LRGUK: variants seen among roughly 807,000 people sequenced by gnomAD.
LRGUK encodes leucine-rich repeat and guanylate kinase domain-containing protein.
Under a neutral mutation model 76.0 loss-of-function variants are expected in LRGUK, and 65 were observed. That is an observed-to-expected ratio of 0.85 (90% CI 0.70 to 1.05). LRGUK has a LOEUF of 1.05. LRGUK is among the 50% of genes least tolerant of loss of function. The pLI is 0.00. For synonymous variants in LRGUK, 268 were observed against 265.6 expected (o/e 1.01, Z -0.09); for missense variants, 758 against 732.8 (o/e 1.03, Z -0.40).
chr7:134,218,776 T>C (rs1259965603), intron 15 of LRGUK, among the ~76,000 whole-genome samples: 1 of 152,230 alleles, frequency 6.6e-6, no homozygotes, highest in Non-Finnish European at 1.5e-5. Flanking sequence ...TGTTTTAAAA[T>C]GTTTTATACA....
chr7:134,195,293 C>T (rs1336638477), intron 12 of LRGUK, among the ~76,000 whole-genome samples: 3 of 152,124 alleles, frequency 2.0e-5, no homozygotes, highest in Admixed American at 6.6e-5. Flanking sequence ...ATTTTTTAGT[C>T]CTACAAAGGC....
chr7:134,191,883 G>GT (rs1489868906), intron 12 of LRGUK, 132 bp downstream of exon 12: 415 of 560,714 alleles, frequency 7.4e-4, no homozygotes, highest in South Asian at 5.5e-3. Context: ...GTTTTTATGG[G>GT]GTTTTTTTTT....
intron 2 of LRGUK, among the ~76,000 whole-genome samples, chr7:134,139,210 A>G (rs1797660370): frequency 6.6e-6 from 1 of 152,170 alleles, no homozygotes. Flanking sequence ...TGTTTTTGCT[A>G]ACAACACTAA....
intron 16 of LRGUK, among the ~76,000 whole-genome samples, chr7:134,225,125 G>GAAAAA (rs769671717): frequency 1.1e-4 from 7 of 60,878 alleles, no homozygotes; most frequent in African/African-American, 3.1e-4. Context: ...AACAGAACTG[G>GAAAAA]AAAAAAAAAA....
chr7:134,213,963 G>A (rs1801363917), downstream of LRGUK, among the ~76,000 whole-genome samples: 1 of 152,218 alleles, frequency 6.6e-6, no homozygotes, highest in Non-Finnish European at 1.5e-5. Context: ...GTGGCTTATA[G>A]TGACTACATT....
intron 1 of LRGUK, among the ~76,000 whole-genome samples, chr7:134,134,244 G>T (rs1716187948): frequency 6.6e-6 from 1 of 152,070 alleles, no homozygotes; most frequent in African/African-American, 2.4e-5. Context: ...GCAATTGTGG[G>T]ATTAGAGAGA....
chr7:134,181,832 A>G (rs1181773470), intron 10 of LRGUK, among the ~76,000 whole-genome samples: 1 of 152,026 alleles, frequency 6.6e-6, no homozygotes, highest in African/African-American at 2.4e-5. Flanking sequence ...AAATCCACCA[A>G]CCTTATCGGA....
intron 6 of LRGUK, among the ~76,000 whole-genome samples, chr7:134,162,382 A>C (rs1484787677): frequency 6.6e-6 from 1 of 152,204 alleles, no homozygotes; most frequent in Non-Finnish European, 1.5e-5. Flanking sequence ...TCTCTCCAAC[A>C]CAGTAGCTGC....
chr7:134,186,041 G>C (rs761938203), intron 11 of LRGUK, among the ~76,000 whole-genome samples: 1 of 152,314 alleles, frequency 6.6e-6, no homozygotes, highest in South Asian at 2.1e-4. Context: ...GGTATATGCT[G>C]TTTTGCTAAT....
chr7:134,180,268 A>C (rs534373808), intron 10 of LRGUK, among the ~76,000 whole-genome samples: 1 of 148,956 alleles, frequency 6.7e-6, no homozygotes, highest in Admixed American at 6.8e-5. Context: ...CTAAGAATGT[A>C]ACTCTTTTCA....
At chr7:134,271,506 A>G in the LRGUK span, among the ~76,000 whole-genome samples, 2 of 151,436 alleles carry the variant, frequency 1.3e-5, no homozygotes, top group South Asian at 2.1e-4. Flanking sequence ...ATTTTTTTTT[A>G]TTCCAGTTGT....
chr7:134,173,166 C>T (rs117780801), intron 7 of LRGUK, among the ~76,000 whole-genome samples: 1,859 of 152,182 alleles, frequency 0.012, 14 homozygotes, highest in Middle Eastern at 0.027. Flanking sequence ...AGTCATCTTA[C>T]GGAAAAAGAT....
intron 5 of LRGUK, among the ~76,000 whole-genome samples, chr7:134,149,692 A>G (rs1247995218): frequency 6.6e-6 from 1 of 152,206 alleles, no homozygotes; most frequent in African/African-American, 2.4e-5. Context: ...ACAAACTAAA[A>G]GCATACACAT....
intron 7 of LRGUK, among the ~76,000 whole-genome samples, chr7:134,165,879 AG>A (rs1183856197): frequency 6.6e-6 from 1 of 152,216 alleles, no homozygotes; most frequent in African/African-American, 2.4e-5. Context: ...TAAAGAAAAA[AG>A]AGGAGTATCA....
Position 134,149,813 on chromosome 7 carries a change from A to G in LRGUK, c.670+1494A>G, listed in dbSNP as rs1292006609. Among the ~76,000 whole-genome samples the G allele has an allele frequency of 2.6e-5, 4 of 152,196 alleles. No individual in the cohort carries two copies. The East Asian group carries it at 7.7e-4, about 29-fold the overall frequency. On this transcript the variant is annotated intron_variant, in intron 5 of 15. Coordinates refer to ENST00000645682, the Ensembl canonical transcript of LRGUK. ...AGCTATCTGGCTCAGACATCCATTT[A>G]TCTCAGGCTGTGTAGAGTGCTACAC...
chr7:134,223,965 A>G (rs1016660564), intron 16 of LRGUK, among the ~76,000 whole-genome samples: 3 of 152,024 alleles, frequency 2.0e-5, no homozygotes, highest in Non-Finnish European at 4.4e-5. Flanking sequence ...AGATCTTGCT[A>G]TACCTGGGGT....
At chr7:134,159,757 CCA>C in intron 6 of LRGUK, among the ~76,000 whole-genome samples, 1 of 152,274 alleles carries the variant, frequency 6.6e-6, no homozygotes, top group East Asian at 1.9e-4. Context: ...CCACTGAACT[CCA>C]GTCTGGGTGA....
intron 1 of LRGUK, among the ~76,000 whole-genome samples, 168 bp downstream of exon 1, chr7:134,127,832 C>G (rs1199540903): frequency 6.6e-6 from 1 of 151,826 alleles, no homozygotes; most frequent in African/African-American, 2.4e-5. Context: ...TGTCTTTTAC[C>G]CCGTTTTCTC....
chr7:134,160,218 G>A (rs577234945), intron 6 of LRGUK, among the ~76,000 whole-genome samples: 39 of 152,242 alleles, frequency 2.6e-4, no homozygotes, highest in African/African-American at 7.5e-4. Flanking sequence ...ATTATAATAC[G>A]TAGCATTTTC....
Sources: gnomAD v4.1 joint callset for allele counts (sites outside exome capture counted in the v4.1 genomes callset) on GRCh38, gnomAD v4.1.1 for gene constraint, MANE v1.5 for transcripts, NCBI Gene and HGNC (gene_info 2026-07-23, HGNC 2026-07-21) for gene names.